The following FER1L6 variants were observed in gnomAD, a reference collection of about 807,000 sequenced individuals.
The protein encoded by FER1L6 is fer-1-like protein 6.
A neutral mutation model predicts 219.2 loss-of-function variants in FER1L6; 177 were observed. That is an observed-to-expected ratio of 0.81 (90% CI 0.71 to 0.91). FER1L6 has a LOEUF of 0.91. Ranked by LOEUF, FER1L6 falls within the 40% of genes least tolerant of loss-of-function variation. The probability of loss-of-function intolerance (pLI) is 0.00; values close to 1 mark genes in which losing one functional copy is unlikely to be tolerated. For missense variants in FER1L6, 2,153 were observed against 2,259.9 expected, an observed-to-expected ratio of 0.95 and a Z score of 0.96; for synonymous variants, 768 against 824.3, an observed-to-expected ratio of 0.93 and a Z score of 1.17.
chr8:124,106,944 CTTT>C (rs10561745), intron 39 of FER1L6, among the ~76,000 whole-genome samples: 95,288 of 127,796 alleles, frequency 0.75, 33,843 homozygotes, highest in Non-Finnish European at 0.78. Context: ...ATAAGGTTTT[CTTT>C]TTTTTTTTTT....
At chr8:124,118,724 A>C in intron 39 of FER1L6, 120 bp from the exon 40 acceptor site, 1 of 836,030 alleles carries the variant, frequency 1.2e-6, no homozygotes. Context: ...ATCAAAATAA[A>C]GCAGCGGGAT....
At chr8:123,993,355 T>C (rs1816955958) in intron 12 of FER1L6, among the ~76,000 whole-genome samples, 1 of 142,822 alleles carries the variant, frequency 7.0e-6, no homozygotes, top group South Asian at 2.2e-4. Flanking sequence ...GGCAGGAGAA[T>C]GGCGTGAACC....
intron 1 of FER1L6, among the ~76,000 whole-genome samples, chr8:123,920,487 G>A (rs184936267): frequency 1.3e-5 from 2 of 152,370 alleles, no homozygotes; most frequent in East Asian, 1.9e-4. Context: ...GGTCCCAAGA[G>A]TTGGAAGGGG....
chr8:124,064,246 C>A, intron 25 of FER1L6, 101 bp from the exon 26 acceptor site: 1 of 894,458 alleles, frequency 1.1e-6, no homozygotes, highest in Non-Finnish European at 1.8e-6. Context: ...AGCAACCTGA[C>A]GTATTTGAAT....
intron 1 of FER1L6, among the ~76,000 whole-genome samples, chr8:123,922,733 A>G (rs1294885680): frequency 6.6e-6 from 1 of 152,202 alleles, no homozygotes; most frequent in Non-Finnish European, 1.5e-5. Flanking sequence ...TGGGTAGCTT[A>G]TAATTGATGT....
At chr8:123,964,444 A>G (rs1463895889) in intron 3 of FER1L6, among the ~76,000 whole-genome samples, 1 of 152,110 alleles carries the variant, frequency 6.6e-6, no homozygotes, top group African/African-American at 2.4e-5. Flanking sequence ...TGTGGGTTAG[A>G]GGGCAGTGGG....
At chr8:123,936,092 G>T (rs780159046) in intron 1 of FER1L6, among the ~76,000 whole-genome samples, 1 of 152,168 alleles carries the variant, frequency 6.6e-6, no homozygotes, top group Non-Finnish European at 1.5e-5. Context: ...ATAAGCCTGC[G>T]TATTAGGATG....
Position 124,064,401 on chromosome 8 carries a change from A to T in FER1L6, c.3383A>T (p.Gln1128Leu). The T allele has an allele frequency of 6.2e-7, 1 of 1,613,400 alleles. No homozygotes were observed. Residue 1128 changes from glutamine (Q) to leucine (L), a missense_variant, in exon 26 of 41, where the codon CAG becomes CTG. Transcript: ENST00000522917. ...TCCTCTGGAGCCCACAGCTCCTCCC[A>T]GGATCCCCCAGCAGATCACATTTAT... ...TESSGAHSSS[Q>L]DPPADHIYVD... is the part of the protein sequence containing the mutation.
At chr8:124,091,615 G>T in intron 34 of FER1L6, 32 bp downstream of exon 34, 1 of 1,597,732 alleles carries the variant, frequency 6.3e-7, no homozygotes, top group Non-Finnish European at 8.5e-7. Flanking sequence ...TGCTGGTGTT[G>T]CTCTTCTTTT....
At chr8:123,877,815 T>C (rs1014464460) in intron 1 of FER1L6, among the ~76,000 whole-genome samples, 9 of 152,072 alleles carry the variant, frequency 5.9e-5, no homozygotes, top group African/African-American at 2.2e-4. Flanking sequence ...ACTGATTTTT[T>C]TCCTTCCCTA....
At chr8:123,934,271 T>C (rs1422558855) in intron 1 of FER1L6, among the ~76,000 whole-genome samples, 1 of 152,192 alleles carries the variant, frequency 6.6e-6, no homozygotes, top group East Asian at 1.9e-4. Context: ...CATGTTCTGA[T>C]TTCTCCATTT....
chr8:123,898,830 T>TATATATACATAC (rs1266537133), intron 1 of FER1L6, among the ~76,000 whole-genome samples: 34 of 135,430 alleles, frequency 2.5e-4, no homozygotes, highest in Admixed American at 1.1e-3. Context: ...TGTGTATATA[T>TATATATACATAC]ATATATACAT....
intron 15 of FER1L6, among the ~76,000 whole-genome samples, chr8:124,015,571 C>CTATATA (rs781161909): frequency 0.014 from 592 of 43,168 alleles, 28 homozygotes; most frequent in Non-Finnish European, 0.024. Flanking sequence ...ATTATAAAAG[C>CTATATA]TATATATATA....
chr8:123,858,870 C>A (rs192112097), intron 1 of FER1L6, among the ~76,000 whole-genome samples: 8 of 152,124 alleles, frequency 5.3e-5, no homozygotes, highest in African/African-American at 1.4e-4. Context: ...TCCACCAGGG[C>A]GGTATTGCCC....
intron 35 of FER1L6, among the ~76,000 whole-genome samples, chr8:124,095,474 C>A (rs754385080): frequency 6.6e-6 from 1 of 152,200 alleles, no homozygotes; most frequent in Non-Finnish European, 1.5e-5. Context: ...ATAACACACA[C>A]AAACACACAA....
intron 9 of FER1L6, among the ~76,000 whole-genome samples, chr8:123,977,211 A>T (rs943982335): frequency 2.6e-5 from 4 of 152,252 alleles, no homozygotes; most frequent in Non-Finnish European, 5.9e-5. Context: ...CGGGGCTGTG[A>T]TGTGACTTTG....
At chr8:124,055,761 T>C (rs962351602) in intron 22 of FER1L6, among the ~76,000 whole-genome samples, 1 of 152,166 alleles carries the variant, frequency 6.6e-6, no homozygotes, top group Non-Finnish European at 1.5e-5. Flanking sequence ...CAACCCAATT[T>C]ATTATCTTAC....
intron 20 of FER1L6, among the ~76,000 whole-genome samples, 172 bp downstream of exon 20, chr8:124,040,178 G>C (rs1237630540): frequency 6.6e-6 from 1 of 152,218 alleles, no homozygotes; most frequent in Non-Finnish European, 1.5e-5. Flanking sequence ...TGTGGGGAAG[G>C]TCTATTGTTT....
In FER1L6 at chr8:124,097,461, A is replaced by G. The variant is rs1822356642; in HGVS notation, c.4784+102A>G. The G allele has an allele frequency of 1.5e-5, 13 of 866,066 alleles. No homozygotes were observed. The South Asian group carries it at 1.9e-4, about 13-fold the overall frequency. 53.6% of individuals were successfully genotyped at this position (866,066 alleles called of 1,614,324 possible). A position where few individuals can be genotyped will look rare whatever the true frequency, so the allele number is the denominator to read the frequency against. On this transcript the variant is annotated intron_variant, in intron 36 of 40. Transcript: ENST00000522917. ...GTCTGACAGGTTACCTGATCATCAT[A>G]CCTCACTATCCACCCGGCCAGTTTT... is the stretch of plus-strand genomic sequence containing the variant.
Sources: gnomAD v4.1 joint callset for allele counts (sites outside exome capture counted in the v4.1 genomes callset) on GRCh38, gnomAD v4.1.1 for gene constraint, MANE v1.5 for transcripts, NCBI Gene and HGNC (gene_info 2026-07-23, HGNC 2026-07-21) for gene names.